The following DCUN1D4 variants were observed in gnomAD, a reference collection of about 807,000 sequenced individuals.
The protein encoded by DCUN1D4 is defective in cullin neddylation 1 domain containing 4.
A neutral mutation model predicts 47.9 loss-of-function variants in DCUN1D4; 22 were observed. That is an observed-to-expected ratio of 0.46 (90% CI 0.33 to 0.66). The LOEUF (loss-of-function observed/expected upper bound fraction) is 0.66, where lower values mean the gene tolerates loss of function less well. DCUN1D4 is among the 30% of genes least tolerant of loss of function. The pLI, the probability that DCUN1D4 is intolerant of heterozygous loss-of-function variation, is 0.02. For synonymous variants in DCUN1D4, 121 were observed against 112.2 expected, an observed-to-expected ratio of 1.08 and a Z score of -0.50; for missense variants, 301 against 340.8, an observed-to-expected ratio of 0.88 and a Z score of 0.92.
chr4:51,908,968 G>C, intron 8 of DCUN1D4: 1 of 456,292 alleles, frequency 2.2e-6, no homozygotes, highest in South Asian at 1.5e-5. Context: ...CACCCTTGCA[G>C]AGCAGGAGTA....
chr4:51,904,982 C>A (rs535063537), intron 8 of DCUN1D4, among the ~76,000 whole-genome samples: 1 of 152,098 alleles, frequency 6.6e-6, no homozygotes, highest in East Asian at 1.9e-4. Flanking sequence ...CTGAATTCTG[C>A]TTTAATATGC....
At chr4:51,866,549 A>G (rs1371349050) in intron 3 of DCUN1D4, among the ~76,000 whole-genome samples, 1 of 152,116 alleles carries the variant, frequency 6.6e-6, no homozygotes, top group Non-Finnish European at 1.5e-5. Flanking sequence ...ATCCATGGGT[A>G]TTTTATAATA....
chr4:51,863,308 A>T, intron 1 of DCUN1D4, 129 bp from the exon 2 acceptor site: 1 of 755,266 alleles, frequency 1.3e-6, no homozygotes, highest in Non-Finnish European at 2.2e-6. Flanking sequence ...GCATGTTTTT[A>T]AAAAACTTTA....
chr4:51,841,217 C>T (rs1231788612), upstream of DCUN1D4, among the ~76,000 whole-genome samples: 1 of 151,842 alleles, frequency 6.6e-6, no homozygotes, highest in African/African-American at 2.4e-5. Flanking sequence ...GTGTCTCAGT[C>T]TTTGAAGTAC....
At chr4:51,899,449 A>C in intron 8 of DCUN1D4, 71 bp downstream of exon 8, 1 of 1,507,266 alleles carries the variant, frequency 6.6e-7, no homozygotes, top group South Asian at 1.3e-5. Context: ...TTTTGAGGTT[A>C]GTTTTTACAT....
intron 1 of DCUN1D4, among the ~76,000 whole-genome samples, chr4:51,849,254 T>TGG (rs1322149240): frequency 6.6e-6 from 1 of 152,172 alleles, no homozygotes; most frequent in East Asian, 1.9e-4. Context: ...GGCCATTTTC[T>TGG]GGGGGGATGC....
chr4:51,913,192 T>G, intron 9 of DCUN1D4, 98 bp from the exon 10 acceptor site: 1 of 722,506 alleles, frequency 1.4e-6, no homozygotes. Context: ...AGAGTTAACC[T>G]TACATGAACT....
intron 8 of DCUN1D4, chr4:51,910,675 A>G (rs1733585718): frequency 1.2e-5 from 2 of 173,644 alleles, no homozygotes; most frequent in Non-Finnish European, 2.4e-5. Flanking sequence ...AAAACCTTTA[A>G]GCTCCGTTGA....
chr4:51,845,228 T>C (rs1424375324), intron 1 of DCUN1D4: 10 of 985,422 alleles, frequency 1.0e-5, no homozygotes, highest in Non-Finnish European at 1.2e-5. Flanking sequence ...TGCATAAATA[T>C]GAGAACACAG....
chr4:51,844,427 G>C lies in DCUN1D4; in HGVS notation c.25+1160G>C, dbSNP rs1308695237. ...CAGCGCTGGCGCGGGCTCCGGCAGC[G>C]GGACTAGGAGGCGGGGCAGGGGTGC... On this transcript the variant is annotated intron_variant, in intron 1 of 10. Transcript: ENST00000334635. The C allele has an allele frequency of 7.1e-6, 7 of 984,102 alleles. No homozygotes were observed. The South Asian group carries it at 1.4e-4, about 20-fold the overall frequency. 61.0% of individuals were successfully genotyped at this position (984,102 alleles called of 1,614,324 possible).
rs1463479120 is a variant in DCUN1D4, at chr4:51,914,325, C to G, written c.*741C>G. On this transcript the variant is annotated 3_prime_UTR_variant, in exon 11 of 11. Coordinates refer to ENST00000334635, the MANE Select transcript of DCUN1D4 (RefSeq NM_001040402.3). ...TTTTCTTAAAAGAATGGGATTTAAACTCTTATAAACATTCTTTAACTTTTT... is the reference window on the plus strand; with the variant it reads ...TTTTCTTAAAAGAATGGGATTTAAAGTCTTATAAACATTCTTTAACTTTTT... The G allele has an allele frequency of 6.6e-6, 1 of 152,058 alleles. No homozygotes were observed. The highest frequency in any genetic ancestry group is 2.4e-5 in the African/African-American group (1 of 41,404). The allele number at this position is 152,058 out of a possible 1,614,324, so 9.4% of individuals were successfully genotyped here.
At chr4:51,839,186 A>AGAAGGAAGGAAGGAAGGAAGGAAG (rs35432661), upstream of DCUN1D4, among the ~76,000 whole-genome samples, 19 of 141,542 alleles carry the variant, frequency 1.3e-4, no homozygotes, top group African/African-American at 5.2e-4. Context: ...GGAAGAAAGG[A>AGAAGGAAGGAAGGAAGGAAGGAAG]GAAGGAAGGA....
At chr4:51,906,001 A>T (rs1219710426) in intron 8 of DCUN1D4, among the ~76,000 whole-genome samples, 1 of 152,196 alleles carries the variant, frequency 6.6e-6, no homozygotes, top group East Asian at 1.9e-4. Flanking sequence ...GAGGCCTTTC[A>T]GGAGAAGGGG....
chr4:51,912,780 C>A (rs1318601572), intron 9 of DCUN1D4, among the ~76,000 whole-genome samples: 1 of 152,162 alleles, frequency 6.6e-6, no homozygotes, highest in African/African-American at 2.4e-5. Context: ...CAGCACTTAC[C>A]GGATCTCGTC....
intron 1 of DCUN1D4, 180 bp downstream of exon 1, chr4:51,843,447 C>CG: frequency 1.9e-6 from 2 of 1,080,402 alleles, no homozygotes; most frequent in Non-Finnish European, 2.3e-6. Flanking sequence ...CGGCGTGGGG[C>CG]GGGGGCGGGC....
upstream of DCUN1D4, among the ~76,000 whole-genome samples, chr4:51,842,003 G>A (rs1180528869): frequency 5.8e-4 from 85 of 146,998 alleles, no homozygotes; most frequent in African/African-American, 2.1e-3. Context: ...GGGGTGGGGG[G>A]AATCCTCCGT....
At chr4:51,896,279 C>T (rs1731248344) in intron 7 of DCUN1D4, among the ~76,000 whole-genome samples, 1 of 152,160 alleles carries the variant, frequency 6.6e-6, no homozygotes, top group Non-Finnish European at 1.5e-5. Context: ...GGGCTTGCTC[C>T]CAGGCATGCT....
At position 51,866,378 on chromosome 4, in the gene DCUN1D4, GTGATGATGATGATGA is replaced by G. The variant is rs540585746; in HGVS notation, c.136+2687_136+2701del. 2.0e-5 allele frequency among the ~76,000 whole-genome samples: 3 copies of G among 148,944 alleles called. No individual in the cohort carries two copies. In the South Asian group the frequency reaches 6.4e-4, roughly 32 times the overall value. On this transcript the variant is annotated intron_variant, in intron 3 of 10. Coordinates refer to ENST00000334635, the MANE Select transcript of DCUN1D4 (RefSeq NM_001040402.3). ...TCTTCTGTTTGTTAACCAAATTATGGTGATGATGATGATGATGATGATGATGATGATGTATTTTTT... is the reference window on the plus strand; with the variant it reads ...TCTTCTGTTTGTTAACCAAATTATGGTGATGATGATGATGATGTATTTTTT...
Position 51,913,504 on chromosome 4 carries a change from C to G in DCUN1D4, c.824-25C>G, listed in dbSNP as rs749100634. On this transcript the variant is annotated intron_variant, in intron 10 of 10. Coordinates refer to ENST00000334635, the MANE Select transcript of DCUN1D4 (RefSeq NM_001040402.3). The stretch of plus-strand genomic sequence containing the variant: ...ATTATTGTTATTATTATTATTATTA[C>G]TACTGTTTCTCTCTTTCTCTCCAGG... The G allele has an allele frequency of 1.9e-6, 3 of 1,594,374 alleles. No homozygotes were observed. In the South Asian group the frequency reaches 3.3e-5, roughly 18 times the overall value.
Sources: allele counts gnomAD v4.1 joint callset (sites outside exome capture counted in the v4.1 genomes callset), GRCh38; gene constraint gnomAD v4.1.1; transcripts MANE v1.5; gene names NCBI Gene and HGNC (gene_info 2026-07-23, HGNC 2026-07-21).